NT5DC1: variants seen among roughly 807,000 people sequenced by gnomAD.
NT5DC1 encodes the protein 5'-nucleotidase domain-containing protein 1.
In NT5DC1, 42 loss-of-function variants were observed where a neutral mutation model predicts 59.4. The ratio of observed to expected loss-of-function variants is 0.71; its 90% CI spans 0.55 to 0.92. The LOEUF is 0.92. NT5DC1 is among the 40% of genes least tolerant of loss of function. The pLI is 0.00. For missense variants in NT5DC1, 501 were observed against 537.1 expected (o/e 0.93, Z 0.66); for synonymous variants, 172 against 188.1 (o/e 0.91, Z 0.70).
chr6:116,100,981 G>A lies in NT5DC1; in HGVS notation c.51G>A (p.Leu17=). Residue 17 remains leucine, a synonymous_variant, in exon 1 of 12, where the codon CTG becomes CTA. Transcript: ENST00000319550. ...LAACDVVGFD[L]DHTLCRYNLP... is the part of the protein sequence containing the mutation. ...CCTGCGACGTGGTCGGATTCGACCT[G>A]GACCACACTCTGTGTCGCTACAACC... The A allele has an allele frequency of 6.2e-7, 1 of 1,605,718 alleles. No homozygotes were observed. The highest frequency in any genetic ancestry group is 8.5e-7 in the Non-Finnish European group (1 of 1,177,104).
chr6:116,150,266 G>GTT (rs201650607), intron 6 of NT5DC1, among the ~76,000 whole-genome samples: 4 of 149,222 alleles, frequency 2.7e-5, no homozygotes, highest in Admixed American at 6.7e-5. Flanking sequence ...TAAGAAAATG[G>GTT]TTTTTTTTTT....
At chr6:116,173,295 ATT>A (rs1345980762) in intron 6 of NT5DC1, among the ~76,000 whole-genome samples, 12 of 152,222 alleles carry the variant, frequency 7.9e-5, no homozygotes, top group African/African-American at 2.9e-4. Flanking sequence ...GAGTTGCAAA[ATT>A]TAAAACTTAG....
chr6:116,235,004 A>G (rs1292770829), intron 8 of NT5DC1, among the ~76,000 whole-genome samples: 1 of 149,912 alleles, frequency 6.7e-6, no homozygotes, highest in African/African-American at 2.5e-5. Flanking sequence ...ATGTTTGTAT[A>G]AAGTGAATTT....
chr6:116,121,157 C>A lies in NT5DC1; in HGVS notation c.529+3212C>A, dbSNP rs567114027. 1.2e-6 allele frequency: 2 copies of A among 1,613,190 alleles called. No homozygotes were observed. The highest frequency in any genetic ancestry group is 1.7e-5 in the Admixed American group (1 of 59,936). ...TGCTGGCCCTTGTTCCCCTTTGGCA[C>A]CTGGACCCCCAGGAAGGCCAGCAGG... is the stretch of plus-strand genomic sequence containing the variant. On this transcript the variant is annotated intron_variant, in intron 6 of 11. Coordinates refer to ENST00000319550, the MANE Select transcript of NT5DC1 (RefSeq NM_152729.3).
intron 6 of NT5DC1, chr6:116,120,870 C>G (rs138141648): frequency 6.2e-7 from 1 of 1,613,998 alleles, no homozygotes; most frequent in Non-Finnish European, 8.5e-7. Context: ...CCAGGAGGTC[C>G]TCCAACTCCA....
intron 6 of NT5DC1, among the ~76,000 whole-genome samples, chr6:116,163,137 AAAAAATATATATATAT>A (rs1392525656): frequency 2.8e-5 from 3 of 105,420 alleles, no homozygotes; most frequent in African/African-American, 1.5e-4. Context: ...AAAAAAAAAA[AAAAAATATATATATAT>A]ATATATATAT....
intron 1 of NT5DC1, 114 bp from the exon 2 acceptor site, chr6:116,106,130 T>A: frequency 1.4e-6 from 1 of 720,476 alleles, no homozygotes; most frequent in Non-Finnish European, 2.5e-6. Flanking sequence ...ATTACAGATA[T>A]TTCCTTCCTC....
chr6:116,175,609 G>A (rs1034513141), intron 6 of NT5DC1, among the ~76,000 whole-genome samples: 9 of 151,938 alleles, frequency 5.9e-5, no homozygotes, highest in South Asian at 2.1e-4. Flanking sequence ...CTTCTCCCCC[G>A]ACACAGTTTT....
chr6:116,116,989 TAATG>T (rs1778976769), intron 5 of NT5DC1, among the ~76,000 whole-genome samples: 6 of 152,306 alleles, frequency 3.9e-5, no homozygotes, highest in African/African-American at 7.2e-5. Flanking sequence ...TAAAAAAACT[TAATG>T]AAAACAATTT....
At chr6:116,110,213 C>T (rs1279533759) in intron 3 of NT5DC1, among the ~76,000 whole-genome samples, 1 of 152,212 alleles carries the variant, frequency 6.6e-6, no homozygotes, top group African/African-American at 2.4e-5. Flanking sequence ...TTCTCTGTAG[C>T]ATAGGATTCT....
intron 6 of NT5DC1, among the ~76,000 whole-genome samples, chr6:116,138,706 A>C (rs943725648): frequency 2.0e-5 from 3 of 152,200 alleles, no homozygotes; most frequent in African/African-American, 7.2e-5. Flanking sequence ...TTGAATTATT[A>C]CTAATATATG....
intron 6 of NT5DC1, among the ~76,000 whole-genome samples, chr6:116,132,078 A>G (rs1228344299): frequency 6.6e-6 from 1 of 152,060 alleles, no homozygotes; most frequent in Non-Finnish European, 1.5e-5. Flanking sequence ...TCTATCATTG[A>G]TGGGTATTTA....
Position 116,119,648 on chromosome 6 carries a change from A to G in NT5DC1, c.529+1703A>G, listed in dbSNP as rs189601123. ...ATATGATACCTCCTGGATGTTTCCT[A>G]GAAGTTCTCATATTCATAGTTAGAA... On this transcript the variant is annotated intron_variant, in intron 6 of 11. Coordinates refer to ENST00000319550, the MANE Select transcript of NT5DC1 (RefSeq NM_152729.3). The G allele has an allele frequency of 3.5e-4, 62 of 175,532 alleles. No homozygotes were observed. The East Asian group carries it at 9.2e-3, about 26-fold the overall frequency. 10.9% of individuals were successfully genotyped at this position (175,532 alleles called of 1,614,324 possible).
chr6:116,234,110 A>T (rs1488618783), intron 8 of NT5DC1, among the ~76,000 whole-genome samples: 1 of 150,132 alleles, frequency 6.7e-6, no homozygotes, highest in East Asian at 2.0e-4. Context: ...ACAGGCACGC[A>T]CCACCATGCC....
At chr6:116,106,141 C>T (rs1292619907) in intron 1 of NT5DC1, 103 bp from the exon 2 acceptor site, 14 of 743,844 alleles carry the variant, frequency 1.9e-5, no homozygotes, top group Non-Finnish European at 3.4e-5. Context: ...TTCCTTCCTC[C>T]TACCTGCCCC....
rs533645445 is a variant in NT5DC1 at position 116,163,532 on chromosome 6, G to A, written c.529+45587G>A. 9.3e-4 allele frequency among the ~76,000 whole-genome samples: 141 copies of A among 151,912 alleles called. 1 individual carries two copies. The highest frequency in any genetic ancestry group is 3.3e-3 in the African/African-American group (137 of 41,406). ...CTTTTTTTCTTGTTTAATCTAGTTA[G>A]TAGTCTATCAATTTTTGTTTATCTT... On this transcript the variant is annotated intron_variant, in intron 6 of 11. Coordinates refer to ENST00000319550, the MANE Select transcript of NT5DC1 (RefSeq NM_152729.3).
intron 6 of NT5DC1, among the ~76,000 whole-genome samples, chr6:116,168,178 T>A (rs888190590): frequency 3.3e-5 from 5 of 151,028 alleles, no homozygotes; most frequent in Non-Finnish European, 7.4e-5. Flanking sequence ...AGCCATTATC[T>A]CTAAAAATAT....
Position 116,152,741 on chromosome 6 carries a change from A to C in NT5DC1, c.529+34796A>C, listed in dbSNP as rs963332245. ...CCATACTTCTTGGTTAGAATGTTCCATACTTAGGTTTCCTTTTACAACTCT... is the reference window on the plus strand; with the variant it reads ...CCATACTTCTTGGTTAGAATGTTCCCTACTTAGGTTTCCTTTTACAACTCT... On this transcript the variant is annotated intron_variant, in intron 6 of 11. Coordinates refer to ENST00000319550, the MANE Select transcript of NT5DC1 (RefSeq NM_152729.3). Among the ~76,000 whole-genome samples the C allele has an allele frequency of 3.3e-5, 5 of 152,076 alleles. No homozygotes were observed. The South Asian group carries it at 1.0e-3, about 32-fold the overall frequency.
At chr6:116,150,266 G>A (rs544416249) in intron 6 of NT5DC1, among the ~76,000 whole-genome samples, 4 of 149,118 alleles carry the variant, frequency 2.7e-5, no homozygotes, top group Non-Finnish European at 6.0e-5. Flanking sequence ...TAAGAAAATG[G>A]TTTTTTTTTT....
Sources: gnomAD v4.1 joint callset for allele counts (sites outside exome capture counted in the v4.1 genomes callset) on GRCh38, gnomAD v4.1.1 for gene constraint, MANE v1.5 for transcripts, NCBI Gene and HGNC (gene_info 2026-07-23, HGNC 2026-07-21) for gene names.